Variants in ESRRG observed in about 807,000 individuals in gnomAD.
ESRRG encodes the protein estrogen-related receptor gamma.
ESRRG carries 13 observed loss-of-function variants against 44.0 expected under a neutral mutation model. The observed-to-expected ratio is 0.30, with a 90% CI of 0.19 to 0.47. The LOEUF (loss-of-function observed/expected upper bound fraction) is 0.47, where lower values mean the gene tolerates loss of function less well. Ranked by LOEUF, ESRRG falls within the 20% of genes least tolerant of loss-of-function variation. The pLI is 1.00. For synonymous variants in ESRRG, 215 were observed against 214.6 expected (o/e 1.00, Z -0.02); for missense variants, 395 against 580.6 (o/e 0.68, Z 3.29).
intron 1 of ESRRG, among the ~76,000 whole-genome samples, chr1:216,703,539 A>T (rs763949359): frequency 2.0e-5 from 3 of 152,118 alleles, no homozygotes; most frequent in Non-Finnish European, 4.4e-5. Flanking sequence ...ATTTAAGAAT[A>T]AGTGAAGGTC....
chr1:216,652,984 AAAG>A (rs2069391596), intron 2 of ESRRG, among the ~76,000 whole-genome samples: 1 of 152,172 alleles, frequency 6.6e-6, no homozygotes, highest in African/African-American at 2.4e-5. Flanking sequence ...AAGAAAAAAA[AAAG>A]TTTACCAAAC....
intron 1 of ESRRG, among the ~76,000 whole-genome samples, chr1:217,083,340 C>A (rs913313203): frequency 1.3e-4 from 20 of 152,160 alleles, no homozygotes; most frequent in African/African-American, 4.1e-4. Context: ...ACTCGGTATA[C>A]TAATATTTCT....
At chr1:216,754,448 A>G (rs1042447317) in intron 2 of ESRRG, among the ~76,000 whole-genome samples, 2 of 152,026 alleles carry the variant, frequency 1.3e-5, no homozygotes, top group Admixed American at 6.6e-5. Context: ...GTGACAGTCA[A>G]CTTTTATCAT....
chr1:216,516,203 TTTC>T (rs1339317130), intron 6 of ESRRG, among the ~76,000 whole-genome samples: 1 of 152,116 alleles, frequency 6.6e-6, no homozygotes, highest in Non-Finnish European at 1.5e-5. Flanking sequence ...AGACTGTAAG[TTTC>T]TTATCTTCAA....
chr1:217,131,052 A>G (rs535017387), intron 1 of ESRRG, among the ~76,000 whole-genome samples: 1 of 152,336 alleles, frequency 6.6e-6, no homozygotes, highest in East Asian at 1.9e-4. Context: ...ATTTAAACAC[A>G]TACTTGTTAA....
chr1:216,623,544 T>C (rs1380156862), intron 3 of ESRRG, among the ~76,000 whole-genome samples: 2 of 152,114 alleles, frequency 1.3e-5, no homozygotes, highest in Non-Finnish European at 2.9e-5. Flanking sequence ...AAAACTATAC[T>C]ATTGAGGGAC....
At chr1:216,778,581 A>G (rs983429473) in intron 2 of ESRRG, among the ~76,000 whole-genome samples, 1 of 151,952 alleles carries the variant, frequency 6.6e-6, no homozygotes, top group South Asian at 2.1e-4. Context: ...CGCAGAGGTC[A>G]GAAGTGGGCT....
intron 2 of ESRRG, among the ~76,000 whole-genome samples, chr1:216,874,392 G>A (rs1361225476): frequency 6.6e-6 from 1 of 152,140 alleles, no homozygotes; most frequent in Non-Finnish European, 1.5e-5. Context: ...CAAACTGAAT[G>A]TATTATGCAC....
chr1:216,727,485 A>C (rs534949335), upstream of ESRRG, among the ~76,000 whole-genome samples: 9 of 152,060 alleles, frequency 5.9e-5, no homozygotes, highest in African/African-American at 2.2e-4. Flanking sequence ...TCATTTCCTC[A>C]TCTGAAAATT....
chr1:216,586,033 C>T (rs2063726856), intron 3 of ESRRG, among the ~76,000 whole-genome samples: 1 of 147,484 alleles, frequency 6.8e-6, no homozygotes, highest in African/African-American at 2.5e-5. Context: ...GAGGGATACT[C>T]CGTCTCAAAA....
At chr1:217,012,623 C>T (rs915474523) in intron 1 of ESRRG, among the ~76,000 whole-genome samples, 46 of 152,266 alleles carry the variant, frequency 3.0e-4, no homozygotes, top group African/African-American at 1.0e-3. Flanking sequence ...ACACTTCTTC[C>T]GTCCTTTCCT....
chr1:216,816,159 G>A (rs1433618732), intron 2 of ESRRG, among the ~76,000 whole-genome samples: 3 of 152,148 alleles, frequency 2.0e-5, no homozygotes, highest in Non-Finnish European at 4.4e-5. Flanking sequence ...GCCGAAATGG[G>A]AGCAAAGGTT....
intron 2 of ESRRG, among the ~76,000 whole-genome samples, chr1:216,837,338 G>A (rs1421404519): frequency 6.6e-6 from 1 of 151,272 alleles, no homozygotes; most frequent in Non-Finnish European, 1.5e-5. Flanking sequence ...GTGAACCTGG[G>A]AGGTGGAGCT....
chr1:216,512,347 C>G (rs757110940), intron 6 of ESRRG, among the ~76,000 whole-genome samples: 1 of 152,198 alleles, frequency 6.6e-6, no homozygotes, highest in Non-Finnish European at 1.5e-5. Flanking sequence ...TCTTCAAAAT[C>G]CAGACACTGG....
chr1:216,725,751 T>TA, upstream of ESRRG, among the ~76,000 whole-genome samples: 1 of 152,270 alleles, frequency 6.6e-6, no homozygotes, highest in South Asian at 2.1e-4. Flanking sequence ...GATATTTCTT[T>TA]AAAAAATATA....
chr1:217,071,106 A>C, intron 1 of ESRRG, among the ~76,000 whole-genome samples: 1 of 152,230 alleles, frequency 6.6e-6, no homozygotes, highest in East Asian at 1.9e-4. Flanking sequence ...GACAGAATTA[A>C]ATTTGAGTTC....
At chr1:216,845,216 G>T (rs1460054984) in intron 2 of ESRRG, among the ~76,000 whole-genome samples, 1 of 152,080 alleles carries the variant, frequency 6.6e-6, no homozygotes, top group East Asian at 1.9e-4. Context: ...TTTCTGTCTT[G>T]TTCAATTTGG....
chr1:217,132,721 T>G (rs1037047721), intron 1 of ESRRG, among the ~76,000 whole-genome samples: 2 of 152,032 alleles, frequency 1.3e-5, no homozygotes, highest in Admixed American at 6.5e-5. Context: ...TCTTGTTGCT[T>G]CTTCTTGGGG....
intron 1 of ESRRG, among the ~76,000 whole-genome samples, chr1:216,969,834 C>T (rs1230913448): frequency 6.6e-6 from 1 of 152,166 alleles, no homozygotes; most frequent in Non-Finnish European, 1.5e-5. Flanking sequence ...ATCCGCCCAC[C>T]TCAGCACTCT....
Sources: gnomAD v4.1 joint callset for allele counts (sites outside exome capture counted in the v4.1 genomes callset) on GRCh38, gnomAD v4.1.1 for gene constraint, MANE v1.5 for transcripts, NCBI Gene and HGNC (gene_info 2026-07-23, HGNC 2026-07-21) for gene names.